The following RANBP2 variants were observed in gnomAD, a reference collection of about 807,000 sequenced individuals.
RANBP2 encodes E3 SUMO-protein ligase RanBP2.
RANBP2 carries 57 observed loss-of-function variants against 303.6 expected under a neutral mutation model. The observed-to-expected ratio is 0.19, with a 90% CI of 0.15 to 0.23. The LOEUF is 0.23. Among genes scored for constraint, RANBP2 ranks in the 10% least tolerant of loss-of-function variants. The pLI is 1.00. For synonymous variants in RANBP2, 1,167 were observed against 1,301.5 expected (o/e 0.90, Z 2.23); for missense variants, 3,138 against 3,780.8 (o/e 0.83, Z 4.46).
At chr2:108,916,820 C>G in the RANBP2 span, among the ~76,000 whole-genome samples, 2 of 152,232 alleles carry the variant, frequency 1.3e-5, no homozygotes, top group African/African-American at 4.8e-5. Context: ...ACCCCACAAG[C>G]CCCCTCACGT....
the RANBP2 span, among the ~76,000 whole-genome samples, chr2:108,830,307 T>C: frequency 6.6e-6 from 1 of 152,132 alleles, no homozygotes; most frequent in Non-Finnish European, 1.5e-5. Flanking sequence ...ATTTTGGCAT[T>C]TTGCAAAAGT....
At chr2:109,229,178 G>C in the RANBP2 span, among the ~76,000 whole-genome samples, 1 of 152,040 alleles carries the variant, frequency 6.6e-6, no homozygotes, top group Non-Finnish European at 1.5e-5. Flanking sequence ...CAGGAACCAG[G>C]GACAAAGACC....
At chr2:108,952,276 G>A in the RANBP2 span, among the ~76,000 whole-genome samples, 17 of 152,180 alleles carry the variant, frequency 1.1e-4, no homozygotes, top group African/African-American at 4.1e-4. Flanking sequence ...ATGGGTTCAT[G>A]TGAAGGGGAC....
the RANBP2 span, among the ~76,000 whole-genome samples, chr2:109,242,666 A>G: frequency 9.9e-5 from 15 of 152,174 alleles, no homozygotes; most frequent in Non-Finnish European, 1.3e-4. Flanking sequence ...AATTAATCCA[A>G]TGGCTGCTTG....
the RANBP2 span, among the ~76,000 whole-genome samples, chr2:108,939,352 A>G: frequency 6.6e-6 from 1 of 151,924 alleles, no homozygotes; most frequent in Non-Finnish European, 1.5e-5. Context: ...ACACTTGGCT[A>G]ATTTTTGTAT....
chr2:109,059,500 C>T, the RANBP2 span, among the ~76,000 whole-genome samples: 3 of 151,948 alleles, frequency 2.0e-5, no homozygotes, highest in East Asian at 1.9e-4. Context: ...GTGTGAATCC[C>T]GGGAGGCAGA....
At chr2:109,317,269 T>C in the RANBP2 span, among the ~76,000 whole-genome samples, 2 of 152,122 alleles carry the variant, frequency 1.3e-5, no homozygotes, top group Non-Finnish European at 1.5e-5. Context: ...TGTGCACAGA[T>C]AGCGTCAAGT....
the RANBP2 span, among the ~76,000 whole-genome samples, chr2:109,063,267 G>T: frequency 6.6e-6 from 1 of 152,174 alleles, no homozygotes; most frequent in Non-Finnish European, 1.5e-5. Flanking sequence ...CACTCCTGGG[G>T]CTTTTGATCT....
At chr2:109,622,492 T>C in the RANBP2 span, among the ~76,000 whole-genome samples, 5 of 152,250 alleles carry the variant, frequency 3.3e-5, no homozygotes, top group Admixed American at 2.6e-4. Flanking sequence ...CACTCTGTTG[T>C]TACTTCACAG....
the RANBP2 span, among the ~76,000 whole-genome samples, chr2:109,428,916 C>G: frequency 6.6e-6 from 1 of 152,158 alleles, no homozygotes; most frequent in Non-Finnish European, 1.5e-5. Context: ...TTCTCCCTGC[C>G]ATGCCAGACC....
the RANBP2 span, chr2:108,805,013 G>T: frequency 2.0e-6 from 3 of 1,474,596 alleles, no homozygotes; most frequent in Non-Finnish European, 9.1e-7. Flanking sequence ...AAACAGGTAA[G>T]ACCTGTTTTA....
the RANBP2 span, among the ~76,000 whole-genome samples, chr2:108,905,287 C>G: frequency 6.6e-6 from 1 of 152,160 alleles, no homozygotes; most frequent in African/African-American, 2.4e-5. Flanking sequence ...GAAGAGCTTC[C>G]TGGTGGATGG....
intron 17 of RANBP2, among the ~76,000 whole-genome samples, chr2:108,756,107 T>C (rs1558909851): frequency 6.6e-6 from 1 of 152,208 alleles, no homozygotes; most frequent in Non-Finnish European, 1.5e-5. Context: ...AGAAACTGTT[T>C]TATTTAAAAT....
the RANBP2 span, among the ~76,000 whole-genome samples, chr2:109,017,466 G>T: frequency 6.6e-6 from 1 of 152,178 alleles, no homozygotes; most frequent in Non-Finnish European, 1.5e-5. Context: ...ATGGCGTGGG[G>T]TCGCTCCTGC....
chr2:109,623,764 T>C, the RANBP2 span, among the ~76,000 whole-genome samples: 1 of 152,194 alleles, frequency 6.6e-6, no homozygotes, highest in South Asian at 2.1e-4. Context: ...AAAACCATGA[T>C]GCCTTTATCA....
chr2:109,508,218 C>A, the RANBP2 span, among the ~76,000 whole-genome samples: 7 of 152,230 alleles, frequency 4.6e-5, no homozygotes, highest in East Asian at 1.2e-3. Flanking sequence ...TCACTGGCTC[C>A]GTTTGGGCCC....
intron 6 of RANBP2, among the ~76,000 whole-genome samples, chr2:108,737,665 C>T (rs1329914962): frequency 4.0e-5 from 6 of 150,486 alleles, no homozygotes; most frequent in Admixed American, 1.3e-4. Context: ...TCTCCTGTCT[C>T]TGCCTCCGGA....
the RANBP2 span, chr2:109,251,302 C>T: frequency 2.0e-5 from 8 of 404,510 alleles, no homozygotes; most frequent in South Asian, 8.7e-5. Flanking sequence ...CCACCATGCC[C>T]GGCCCAAATT....
chr2:108,997,399 C>G, the RANBP2 span, among the ~76,000 whole-genome samples: 2 of 123,172 alleles, frequency 1.6e-5, no homozygotes, highest in Non-Finnish European at 3.2e-5. Context: ...TGACATTGCG[C>G]CACTGCACTC....
Sources: gnomAD v4.1 joint callset for allele counts (sites outside exome capture counted in the v4.1 genomes callset) on GRCh38, gnomAD v4.1.1 for gene constraint, MANE v1.5 for transcripts, NCBI Gene and HGNC (gene_info 2026-07-23, HGNC 2026-07-21) for gene names.